KCNH5: variants seen among roughly 807,000 people sequenced by gnomAD.
KCNH5 encodes potassium voltage-gated channel subfamily H member 5, also known as voltage-gated delayed rectifier potassium channel KCNH5.
In KCNH5, 46 loss-of-function variants were observed where a neutral mutation model predicts 96.1. That is an observed-to-expected ratio of 0.48 (90% confidence interval 0.38 to 0.61). The LOEUF is 0.61. KCNH5 is among the 20% of genes least tolerant of loss of function. KCNH5 has a pLI of 0.00. For missense variants in KCNH5, 907 were observed against 1,225.8 expected (o/e 0.74, Z 3.88); for synonymous variants, 439 against 449.8 (o/e 0.98, Z 0.30).
At chr14:62,853,143 A>C (rs1887841558) in intron 7 of KCNH5, among the ~76,000 whole-genome samples, 1 of 152,098 alleles carries the variant, frequency 6.6e-6, no homozygotes, top group Non-Finnish European at 1.5e-5. Context: ...CATCTCCTAT[A>C]TCTGATCCAT....
chr14:62,967,049 T>A (rs1204215615), intron 6 of KCNH5, among the ~76,000 whole-genome samples: 2 of 152,180 alleles, frequency 1.3e-5, no homozygotes, highest in African/African-American at 4.8e-5. Flanking sequence ...TTTGACAGCC[T>A]CATGCTCTAC....
chr14:62,770,739 T>TTGC (rs956670166), intron 10 of KCNH5, among the ~76,000 whole-genome samples: 4 of 152,178 alleles, frequency 2.6e-5, no homozygotes, highest in Admixed American at 1.3e-4. Flanking sequence ...CTGAATGTTG[T>TTGC]TGCTGCTGCT....
chr14:62,761,525 G>A (rs950355237), intron 10 of KCNH5, among the ~76,000 whole-genome samples: 1 of 152,116 alleles, frequency 6.6e-6, no homozygotes. Flanking sequence ...AAAGTGAAGG[G>A]AAGAAATCCC....
chr14:62,821,464 A>T (rs181681472), intron 8 of KCNH5, among the ~76,000 whole-genome samples: 1 of 152,258 alleles, frequency 6.6e-6, no homozygotes, highest in East Asian at 1.9e-4. Flanking sequence ...TTTAACTTTA[A>T]GAAATGCCTT....
intron 8 of KCNH5, among the ~76,000 whole-genome samples, chr14:62,835,717 C>G (rs1887451774): frequency 6.6e-6 from 1 of 151,874 alleles, no homozygotes; most frequent in South Asian, 2.1e-4. Context: ...ATGTGGGTTT[C>G]TCTGCCAGCT....
At chr14:62,778,497 T>C (rs1886144257) in intron 10 of KCNH5, among the ~76,000 whole-genome samples, 1 of 152,220 alleles carries the variant, frequency 6.6e-6, no homozygotes, top group African/African-American at 2.4e-5. Context: ...GAGACATTCC[T>C]GCTTAATACT....
intron 7 of KCNH5, among the ~76,000 whole-genome samples, chr14:62,880,291 T>C (rs1323261587): frequency 1.3e-5 from 2 of 152,222 alleles, no homozygotes; most frequent in African/African-American, 4.8e-5. Context: ...TCCTATTCTT[T>C]TTAAAAACAC....
chr14:63,025,966 A>G lies in KCNH5; in HGVS notation c.74-9012T>C, dbSNP rs570433947. ...ATTATACTACCAGATATCAAAATCT[A>G]CTACAAAGTTATAGTACAAAAGCAG... On this transcript the variant is annotated intron_variant, in intron 1 of 10. Coordinates refer to ENST00000322893, the MANE Select transcript of KCNH5 (RefSeq NM_139318.5). 1.9e-4 allele frequency among the ~76,000 whole-genome samples: 29 copies of G among 152,092 alleles called. No homozygotes were observed. In the South Asian group the frequency reaches 4.8e-3, roughly 25 times the overall value.
chr14:62,814,942 T>C (rs1052180746), intron 8 of KCNH5, among the ~76,000 whole-genome samples: 1 of 152,122 alleles, frequency 6.6e-6, no homozygotes, highest in Non-Finnish European at 1.5e-5. Context: ...AAGAGAAATG[T>C]CTGTATATAT....
intron 8 of KCNH5, 123 bp downstream of exon 8, chr14:62,849,530 C>T (rs1359031008): frequency 1.9e-5 from 14 of 734,980 alleles, no homozygotes; most frequent in Admixed American, 2.3e-5. Context: ...ACTGATATGT[C>T]ACTTACAAAT....
At chr14:62,787,211 A>G (rs901036117) in intron 9 of KCNH5, among the ~76,000 whole-genome samples, 1 of 152,204 alleles carries the variant, frequency 6.6e-6, no homozygotes, top group Non-Finnish European at 1.5e-5. Context: ...GAACACATGA[A>G]TGACAAGAAA....
chr14:62,915,998 A>G (rs1290258305), intron 7 of KCNH5, among the ~76,000 whole-genome samples: 9 of 138,086 alleles, frequency 6.5e-5, no homozygotes, highest in African/African-American at 2.5e-4. Context: ...TTTGTCTCCC[A>G]GGCTGGAGTG....
intron 10 of KCNH5, among the ~76,000 whole-genome samples, chr14:62,753,171 T>G (rs67434559): frequency 0.11 from 16,936 of 152,080 alleles, 1,549 homozygotes; most frequent in East Asian, 0.33. Flanking sequence ...TTAAAAAGAA[T>G]CAAACAGAAA....
intron 8 of KCNH5, 140 bp downstream of exon 8, chr14:62,849,513 C>A: frequency 1.5e-6 from 1 of 655,434 alleles, no homozygotes; most frequent in Non-Finnish European, 2.6e-6. Context: ...ATAAATATGA[C>A]TGATTGACTG....
At chr14:62,823,255 T>C (rs937235858) in intron 8 of KCNH5, among the ~76,000 whole-genome samples, 1 of 152,132 alleles carries the variant, frequency 6.6e-6, no homozygotes, top group South Asian at 2.1e-4. Context: ...GAATTGACCA[T>C]TGATCTTATC....
chr14:62,818,790 C>T (rs1887052647), intron 8 of KCNH5, among the ~76,000 whole-genome samples: 2 of 152,126 alleles, frequency 1.3e-5, no homozygotes, highest in Admixed American at 6.5e-5. Context: ...ATATAATGAA[C>T]ATATAACCCC....
chr14:62,850,816 C>A (rs1264381917), intron 7 of KCNH5, among the ~76,000 whole-genome samples: 1 of 152,142 alleles, frequency 6.6e-6, no homozygotes, highest in Non-Finnish European at 1.5e-5. Context: ...GAAAAGGGGG[C>A]AGTACTTTAT....
intron 8 of KCNH5, among the ~76,000 whole-genome samples, chr14:62,826,393 T>C (rs1169792274): frequency 1.5e-5 from 2 of 134,056 alleles, no homozygotes; most frequent in Admixed American, 8.0e-5. Context: ...TGTGTGTGTG[T>C]GTGTGCGTGC....
intron 10 of KCNH5, among the ~76,000 whole-genome samples, chr14:62,751,528 C>G (rs1320258087): frequency 6.6e-6 from 1 of 152,208 alleles, no homozygotes; most frequent in Non-Finnish European, 1.5e-5. Flanking sequence ...TAGCTCCCTT[C>G]TAAGCACTGG....
Sources: allele counts gnomAD v4.1 joint callset (sites outside exome capture counted in the v4.1 genomes callset), GRCh38; gene constraint gnomAD v4.1.1; transcripts MANE v1.5; gene names NCBI Gene and HGNC (gene_info 2026-07-23, HGNC 2026-07-21).